The following NELL2 variants were observed in gnomAD, a reference collection of about 807,000 sequenced individuals.
NELL2 encodes protein kinase C-binding protein NELL2.
NELL2 carries 41 observed loss-of-function variants against 109.6 expected under a neutral mutation model. The ratio of observed to expected loss-of-function variants is 0.37; its 90% confidence interval spans 0.29 to 0.49. The LOEUF is 0.49. Ranked by LOEUF, NELL2 falls within the 20% of genes least tolerant of loss-of-function variation. The pLI is 0.98. For missense variants in NELL2, 900 were observed against 1,008.3 expected (o/e 0.89, Z 1.45); for synonymous variants, 355 against 344.7 (o/e 1.03, Z -0.33).
At chr12:44,844,938 T>G (rs1317396195) in intron 2 of NELL2, among the ~76,000 whole-genome samples, 1 of 152,166 alleles carries the variant, frequency 6.6e-6, no homozygotes, top group African/African-American at 2.4e-5. Flanking sequence ...TTCTATTATC[T>G]CAATTCCAGA....
In NELL2 at chr12:44,875,273, G is replaced by A. The variant is rs756556662; in HGVS notation, c.136C>T (p.Arg46Cys). Residue 46 changes from arginine to cysteine, a missense_variant, in exon 2 of 20, where the codon CGT becomes TGT. By Grantham distance (180) the Arg-to-Cys change is radical (BLOSUM62 -3). Coordinates refer to ENST00000429094, the MANE Select transcript of NELL2 (RefSeq NM_001145108.2). ...CCATTATGCAGCCCCGGGACCTGAC[G>A]CACTCCGGTCGTGGACTCCCCAAGT... ...LELGESTTGV[R>C]QVPGLHNGTK... 2.5e-6 allele frequency: 4 copies of A among 1,614,112 alleles called. No homozygotes were observed. The highest frequency in any genetic ancestry group is 3.3e-5 in the Admixed American group (2 of 60,016).
chr12:44,546,350 T>C (rs541366111), intron 15 of NELL2, among the ~76,000 whole-genome samples: 7 of 152,282 alleles, frequency 4.6e-5, no homozygotes, highest in Admixed American at 1.3e-4. Flanking sequence ...GAGTGTCATA[T>C]GCCTGACAGA....
At chr12:44,692,063 A>C (rs1948915321) in intron 12 of NELL2, among the ~76,000 whole-genome samples, 1 of 152,206 alleles carries the variant, frequency 6.6e-6, no homozygotes, top group Non-Finnish European at 1.5e-5. Context: ...TTCTATTAGA[A>C]GAAAATGCCA....
chr12:44,535,872 G>A (rs550892276), intron 15 of NELL2, among the ~76,000 whole-genome samples: 1 of 151,984 alleles, frequency 6.6e-6, no homozygotes, highest in South Asian at 2.1e-4. Context: ...GAGTTGCTGA[G>A]TAATTCCTTG....
chr12:44,520,107 G>A lies in NELL2; in HGVS notation c.2298C>T (p.Arg766=), dbSNP rs913713542. 1 of 1,614,186 alleles carries A rather than the reference G, an allele frequency of 6.2e-7. No homozygotes were observed. The highest frequency in any genetic ancestry group is 1.7e-5 in the Admixed American group (1 of 60,012). ...CCAGGCAAGTCTTGGTGATGTCATT[G>A]CGGATGGTGTCAGCCTGGCAAGGGT... ...VTDPCQADTI[R]NDITKTCLDE... The change falls in exon 19 of 20, where the codon CGC becomes CGT. Residue 766 remains arginine, a synonymous_variant. Coordinates refer to ENST00000429094, the MANE Select transcript of NELL2 (RefSeq NM_001145108.2).
chr12:44,714,112 G>T (rs547845071), intron 10 of NELL2, among the ~76,000 whole-genome samples: 1 of 151,828 alleles, frequency 6.6e-6, no homozygotes, highest in Non-Finnish European at 1.5e-5. Context: ...AGGTCGAGGG[G>T]CAAAAATTCA....
intron 1 of NELL2, among the ~76,000 whole-genome samples, chr12:44,885,726 A>G (rs1945463358): frequency 6.6e-6 from 1 of 151,954 alleles, no homozygotes; most frequent in African/African-American, 2.4e-5. Flanking sequence ...TAAAGATTCA[A>G]GAAAATCTCA....
rs190378384 is a variant in NELL2 at position 44,773,545 on chromosome 12, T to A, written c.994+1202A>T. The stretch of plus-strand genomic sequence containing the variant: ...CTATTGTATTATGAATATGAAGCCA[T>A]ATATGTATATATGGTCCTTCTTCCT... On this transcript the variant is annotated intron_variant, in intron 9 of 19. Transcript: ENST00000429094. 5.9e-5 allele frequency among the ~76,000 whole-genome samples: 9 copies of A among 152,230 alleles called. No individual in the cohort carries two copies. In the East Asian group the frequency reaches 1.7e-3, roughly 29 times the overall value.
intron 3 of NELL2, among the ~76,000 whole-genome samples, chr12:44,793,163 T>C (rs1357951736): frequency 6.6e-6 from 1 of 152,110 alleles, no homozygotes; most frequent in Non-Finnish European, 1.5e-5. Flanking sequence ...ATATAACATA[T>C]GTATGAAGTA....
chr12:44,794,581 T>G (rs1942552587), intron 3 of NELL2, among the ~76,000 whole-genome samples: 1 of 152,144 alleles, frequency 6.6e-6, no homozygotes, highest in African/African-American at 2.4e-5. Context: ...TCTCGTTATT[T>G]CCTAGCTCTA....
chr12:44,644,596 A>ATATATGTGTGTG (rs1555190838), intron 13 of NELL2, among the ~76,000 whole-genome samples: 1 of 82,856 alleles, frequency 1.2e-5, no homozygotes, highest in Non-Finnish European at 2.4e-5. Context: ...ATATATATAT[A>ATATATGTGTGTG]TATATATGTA....
chr12:44,836,147 G>T (rs1052588826), intron 2 of NELL2, among the ~76,000 whole-genome samples: 9 of 152,186 alleles, frequency 5.9e-5, no homozygotes, highest in Non-Finnish European at 1.0e-4. Flanking sequence ...AACTAAAGCA[G>T]AAGAACTGGG....
intron 1 of NELL2, among the ~76,000 whole-genome samples, chr12:44,891,095 A>T (rs1945528639): frequency 6.6e-6 from 1 of 152,198 alleles, no homozygotes; most frequent in African/African-American, 2.4e-5. Context: ...CTGCCCCTCC[A>T]GGTTAAGATA....
At chr12:44,513,811 G>T (rs1941118004) in intron 19 of NELL2, among the ~76,000 whole-genome samples, 1 of 151,824 alleles carries the variant, frequency 6.6e-6, no homozygotes, top group African/African-American at 2.4e-5. Flanking sequence ...TGTTTAATTG[G>T]AGTCTCAGAA....
rs752476027 is a variant in NELL2 at position 44,520,053 on chromosome 12, C to T, written c.2352G>A (p.Gly784=). 6.2e-7 allele frequency: 1 copy of T among 1,614,124 alleles called. No individual in the cohort carries two copies. The highest frequency in any genetic ancestry group is 2.2e-5 in the East Asian group (1 of 44,884). ...CAGTGCCATGTTTGATCCAAGAGGA[C>T]CCGGTGAAGCGAACCACATTCATTT... The part of the protein sequence containing the change: ...LDEMNVVRFT[G]SSWIKHGTEC... Residue 784 remains glycine, a synonymous_variant, in exon 19 of 20, where the codon GGG becomes GGA. Coordinates refer to ENST00000429094, the MANE Select transcript of NELL2 (RefSeq NM_001145108.2).
At chr12:44,769,728 T>C (rs1296020614) in intron 9 of NELL2, among the ~76,000 whole-genome samples, 1 of 152,046 alleles carries the variant, frequency 6.6e-6, no homozygotes, top group African/African-American at 2.4e-5. Flanking sequence ...CATCCAACAA[T>C]AGACTGAATT....
intron 13 of NELL2, among the ~76,000 whole-genome samples, chr12:44,655,506 T>C (rs1021641851): frequency 5.3e-5 from 8 of 152,244 alleles, no homozygotes; most frequent in Non-Finnish European, 8.8e-5. Context: ...TGACTGCTAA[T>C]TGTATGCATG....
chr12:44,521,950 T>C, intron 18 of NELL2, 50 bp downstream of exon 18: 1 of 1,594,790 alleles, frequency 6.3e-7, no homozygotes, highest in Non-Finnish European at 8.6e-7. Flanking sequence ...TGCTTCTCTA[T>C]TTAGATTCTG....
intron 13 of NELL2, among the ~76,000 whole-genome samples, chr12:44,660,231 T>C (rs901777492): frequency 6.6e-6 from 1 of 152,174 alleles, no homozygotes; most frequent in Non-Finnish European, 1.5e-5. Flanking sequence ...ATATGCATCT[T>C]ACAATTTTAA....
Sources: gnomAD v4.1 joint callset for allele counts (sites outside exome capture counted in the v4.1 genomes callset) on GRCh38, gnomAD v4.1.1 for gene constraint, MANE v1.5 for transcripts, NCBI Gene and HGNC (gene_info 2026-07-23, HGNC 2026-07-21) for gene names.